The following ADK variants were observed in gnomAD, a reference collection of about 807,000 sequenced individuals.
ADK encodes adenosine kinase.
ADK carries 24 observed loss-of-function variants against 44.7 expected under a neutral mutation model. That is an observed-to-expected ratio of 0.54 (90% CI 0.39 to 0.76). ADK has a LOEUF of 0.76. ADK is among the 30% of genes least tolerant of loss of function. ADK has a pLI of 0.00. For missense variants in ADK, 321 were observed against 425.1 expected, an observed-to-expected ratio of 0.76 and a Z score of 2.15; for synonymous variants, 128 against 142.6, an observed-to-expected ratio of 0.90 and a Z score of 0.73.
At chr10:74,470,395 T>C (rs992883691) in intron 6 of ADK, among the ~76,000 whole-genome samples, 1 of 152,072 alleles carries the variant, frequency 6.6e-6, no homozygotes, top group Non-Finnish European at 1.5e-5. Flanking sequence ...TTTTGAATAA[T>C]TCTGCGATGA....
At chr10:74,592,638 C>G (rs917174454) in intron 8 of ADK, among the ~76,000 whole-genome samples, 11 of 151,958 alleles carry the variant, frequency 7.2e-5, no homozygotes, top group African/African-American at 2.7e-4. Flanking sequence ...GGAAACAAAG[C>G]AATCCTTTTC....
At chr10:74,375,966 C>T (rs1410912167) in intron 4 of ADK, among the ~76,000 whole-genome samples, 1 of 151,538 alleles carries the variant, frequency 6.6e-6, no homozygotes, top group African/African-American at 2.4e-5. Flanking sequence ...AAAAACTTTT[C>T]TTTTTTTCCC....
chr10:74,320,625 T>G (rs2078036), intron 4 of ADK, among the ~76,000 whole-genome samples: 3 of 151,920 alleles, frequency 2.0e-5, no homozygotes, highest in African/African-American at 7.2e-5. Flanking sequence ...TGTTGGTCTG[T>G]GGTGATTGTT....
intron 4 of ADK, among the ~76,000 whole-genome samples, chr10:74,346,764 A>G (rs1841780171): frequency 6.6e-6 from 1 of 152,104 alleles, no homozygotes; most frequent in African/African-American, 2.4e-5. Context: ...GAAGAAGAGA[A>G]GCAGTGGAGT....
rs1035643588 is a variant in ADK, at chr10:74,548,423, G to T, written c.726+22997G>T. Among the ~76,000 whole-genome samples the T allele has an allele frequency of 7.9e-5, 12 of 152,224 alleles. No homozygotes were observed. In the East Asian group the frequency reaches 2.3e-3, roughly 29 times the overall value. On this transcript the variant is annotated intron_variant, in intron 7 of 10. Coordinates refer to ENST00000539909, the MANE Select transcript of ADK (RefSeq NM_006721.4). ...AAGGGGAAAATTGCCAGATAAAGAG[G>T]TTGCCAGATTTAGCAAATAAAAATA...
chr10:74,345,781 C>T (rs1223215432), intron 4 of ADK, among the ~76,000 whole-genome samples: 1 of 152,200 alleles, frequency 6.6e-6, no homozygotes, highest in Non-Finnish European at 1.5e-5. Flanking sequence ...TAGACTATTT[C>T]ATAAAATGTA....
chr10:74,651,387 T>G (rs1349780095), intron 9 of ADK, among the ~76,000 whole-genome samples: 6 of 152,144 alleles, frequency 3.9e-5, no homozygotes, highest in Non-Finnish European at 8.8e-5. Flanking sequence ...ATGAAAAATT[T>G]TAGAAAGGAC....
In ADK at chr10:74,193,601, A is replaced by G. The variant is rs553402163; in HGVS notation, c.66-7163A>G. The stretch of plus-strand genomic sequence containing the variant: ...AGAGTTTGAGATGAGCCTGGGCAAC[A>G]GAGGGAGACCCAGTCTCTATTAAAA... On this transcript the variant is annotated intron_variant, in intron 1 of 10. Transcript: ENST00000539909. Among the ~76,000 whole-genome samples the G allele has an allele frequency of 3.2e-4, 49 of 152,324 alleles. 2 individuals carry two copies. The highest frequency in any genetic ancestry group is 1.1e-3 in the African/African-American group (46 of 41,572).
At chr10:74,264,198 ATTG>A (rs1217612191) in intron 3 of ADK, among the ~76,000 whole-genome samples, 2 of 152,162 alleles carry the variant, frequency 1.3e-5, no homozygotes, top group African/African-American at 4.8e-5. Context: ...TGTGTGTGGA[ATTG>A]TTGTGTCACT....
intron 6 of ADK, among the ~76,000 whole-genome samples, chr10:74,415,483 A>G (rs1312326266): frequency 1.3e-5 from 2 of 152,200 alleles, no homozygotes; most frequent in African/African-American, 2.4e-5. Context: ...CTGTCTTCCA[A>G]TATATTTACT....
chr10:74,625,165 TA>T (rs1204376995), intron 9 of ADK, among the ~76,000 whole-genome samples: 2 of 152,124 alleles, frequency 1.3e-5, no homozygotes, highest in African/African-American at 4.8e-5. Context: ...AAAATGATAT[TA>T]TTTTCATGAA....
At chr10:74,193,664 A>G (rs1024272353) in intron 1 of ADK, among the ~76,000 whole-genome samples, 1 of 152,004 alleles carries the variant, frequency 6.6e-6, no homozygotes, top group African/African-American at 2.4e-5. Context: ...TATAGTCCCA[A>G]CTTATTGGGA....
chr10:74,361,818 A>G (rs1489286747), intron 4 of ADK, among the ~76,000 whole-genome samples: 1 of 152,230 alleles, frequency 6.6e-6, no homozygotes, highest in African/African-American at 2.4e-5. Flanking sequence ...TTTGAAGGAT[A>G]ATTGTGCTGA....
At chr10:74,634,335 C>G (rs1418563883) in intron 9 of ADK, among the ~76,000 whole-genome samples, 1 of 152,122 alleles carries the variant, frequency 6.6e-6, no homozygotes, top group Non-Finnish European at 1.5e-5. Context: ...CCGCCTCAGC[C>G]TCCCAAGTAG....
At chr10:74,407,141 G>A (rs764408512) in intron 6 of ADK, among the ~76,000 whole-genome samples, 16 of 151,826 alleles carry the variant, frequency 1.1e-4, no homozygotes, top group Non-Finnish European at 2.2e-4. Context: ...ATTTTCTCTA[G>A]AGACAGGTTT....
At chr10:74,475,721 A>G (rs745551521) in intron 6 of ADK, among the ~76,000 whole-genome samples, 28 of 151,654 alleles carry the variant, frequency 1.8e-4, no homozygotes, top group Middle Eastern at 6.8e-3. Context: ...AGAGAAAGAG[A>G]GAGAAAGAGA....
intron 6 of ADK, among the ~76,000 whole-genome samples, chr10:74,430,292 T>G (rs1460761983): frequency 6.6e-6 from 1 of 152,224 alleles, no homozygotes; most frequent in African/African-American, 2.4e-5. Context: ...AACCATCATA[T>G]TGACACTGAT....
At chr10:74,447,003 T>C (rs1410088594) in intron 6 of ADK, among the ~76,000 whole-genome samples, 4 of 152,178 alleles carry the variant, frequency 2.6e-5, no homozygotes, top group African/African-American at 9.7e-5. Flanking sequence ...TCTGCTGTAC[T>C]ATTTGCTATA....
At chr10:74,223,125 G>T (rs1158307428) in intron 2 of ADK, among the ~76,000 whole-genome samples, 2 of 152,152 alleles carry the variant, frequency 1.3e-5, no homozygotes, top group Non-Finnish European at 2.9e-5. Flanking sequence ...AGTTATGGAG[G>T]TTGAGAAGTC....
Sources: allele counts gnomAD v4.1 joint callset (sites outside exome capture counted in the v4.1 genomes callset), GRCh38; gene constraint gnomAD v4.1.1; transcripts MANE v1.5; gene names NCBI Gene and HGNC (gene_info 2026-07-23, HGNC 2026-07-21).